Variants in ASPH observed in about 807,000 individuals in gnomAD.
ASPH encodes the protein aspartyl/asparaginyl beta-hydroxylase.
Under a neutral mutation model 118.4 loss-of-function variants are expected in ASPH, and 100 were observed. That is an observed-to-expected ratio of 0.84 (90% CI 0.72 to 1.00). ASPH has a LOEUF of 1.00. Ranked by LOEUF, ASPH falls within the 50% of genes least tolerant of loss-of-function variation. ASPH has a pLI of 0.00. For missense variants in ASPH, 920 were observed against 919.5 expected, an observed-to-expected ratio of 1.00 and a Z score of -0.01; for synonymous variants, 315 against 325.6, an observed-to-expected ratio of 0.97 and a Z score of 0.35.
intron 2 of ASPH, 43 bp from the exon 3 acceptor site, chr8:61,681,079 A>T: frequency 6.8e-7 from 1 of 1,475,728 alleles, no homozygotes. Context: ...TAAAAAAGAA[A>T]AGAAATTTAA....
intron 3 of ASPH, among the ~76,000 whole-genome samples, chr8:61,654,061 T>C (rs1005505501): frequency 6.6e-6 from 1 of 152,202 alleles, no homozygotes; most frequent in Non-Finnish European, 1.5e-5. Context: ...GTTATTCAGG[T>C]ACACTCGATG....
intron 21 of ASPH, among the ~76,000 whole-genome samples, chr8:61,530,768 T>C (rs13260663): frequency 0.016 from 2,409 of 152,292 alleles, 82 homozygotes; most frequent in African/African-American, 0.054. Context: ...AGAATTGCAG[T>C]CTCTTCTCCA....
Position 61,562,781 on chromosome 8 carries a change from A to G in ASPH, c.1400T>C (p.Ile467Thr). The G allele has an allele frequency of 1.9e-6, 3 of 1,611,852 alleles. No homozygotes were observed. Among genetic ancestry groups the G allele is most frequent in the Non-Finnish European group, 2.5e-6 (3 of 1,179,198 alleles). ...KNDLGVGYLL[I>T]GDNDNAKKVY... The stretch of plus-strand genomic sequence containing the variant: ...TTTCTTTGCATTGTCATTATCTCCT[A>G]TCAAGAGGTATCCCACGCCAAGGTC... Residue 467 changes from isoleucine (I) to threonine (T), a missense_variant, in exon 18 of 25, where the codon ATA becomes ACA. Coordinates refer to ENST00000379454, the MANE Select transcript of ASPH (RefSeq NM_004318.4).
chr8:61,670,145 T>C (rs1821676006), intron 3 of ASPH, among the ~76,000 whole-genome samples: 1 of 151,604 alleles, frequency 6.6e-6, no homozygotes, highest in Non-Finnish European at 1.5e-5. Flanking sequence ...TGAAGAAAAG[T>C]ATATAGACAT....
intron 16 of ASPH, among the ~76,000 whole-genome samples, chr8:61,574,856 A>AAAG (rs1445219922): frequency 1.3e-3 from 196 of 152,258 alleles, no homozygotes; most frequent in African/African-American, 4.6e-3. Flanking sequence ...ACAAACAAAC[A>AAAG]AATAAACAAA....
intron 14 of ASPH, among the ~76,000 whole-genome samples, chr8:61,597,246 G>T (rs1842754866): frequency 6.6e-6 from 1 of 151,460 alleles, no homozygotes; most frequent in East Asian, 1.9e-4. Context: ...GTCAGGCATG[G>T]TGGCTCATGT....
rs148087784 is a variant in ASPH, at chr8:61,700,097, T to C, written c.103+14172A>G. ...CTCCCAAGAGCAAGGGGGGATGAAG[T>C]ATTCTGCCAGGAGTGGAGGCCCAGG... On this transcript the variant is annotated intron_variant, in intron 1 of 24. Coordinates refer to ENST00000379454, the MANE Select transcript of ASPH (RefSeq NM_004318.4). Among the ~76,000 whole-genome samples, 24 of 152,266 alleles carry C rather than the reference T, an allele frequency of 1.6e-4. No homozygotes were observed. The East Asian group carries it at 4.6e-3, about 29-fold the overall frequency.
chr8:61,683,544 A>C (rs1829156704), intron 2 of ASPH: 1 of 152,568 alleles, frequency 6.6e-6, no homozygotes, highest in Admixed American at 6.5e-5. Flanking sequence ...CTATCTCAGC[A>C]CACCCATCCA....
chr8:61,598,416 T>C (rs138652622), intron 14 of ASPH, among the ~76,000 whole-genome samples: 74 of 152,126 alleles, frequency 4.9e-4, no homozygotes, highest in African/African-American at 1.8e-3. Flanking sequence ...ACAAAGAAGG[T>C]CATTATATAA....
chr8:61,548,255 C>T (rs1294671880), intron 20 of ASPH, 47 bp from the exon 21 acceptor site: 17 of 1,522,692 alleles, frequency 1.1e-5, no homozygotes, highest in Non-Finnish European at 1.8e-6. Context: ...TTCAACAGAG[C>T]ATTTTTATTA....
rs943407631 is a variant in ASPH, at chr8:61,703,974, T to C, written c.103+10295A>G. Among the ~76,000 whole-genome samples the C allele has an allele frequency of 7.9e-5, 12 of 151,816 alleles. No individual in the cohort carries two copies. In the South Asian group the frequency reaches 2.5e-3, roughly 32 times the overall value. ...ACTTTGGGAGGCCGAGGCGGGCGGA[T>C]CACGAGGTCAGGAGATCGAGACCAT... On this transcript the variant is annotated intron_variant, in intron 1 of 24. Coordinates refer to ENST00000379454, the MANE Select transcript of ASPH (RefSeq NM_004318.4).
chr8:61,578,919 G>A, intron 15 of ASPH: 1 of 1,611,804 alleles, frequency 6.2e-7, no homozygotes. Flanking sequence ...GGAGATCCGG[G>A]AGCTGCAGTC....
At chr8:61,563,193 G>A (rs1053594161) in intron 17 of ASPH, among the ~76,000 whole-genome samples, 10 of 32,070 alleles carry the variant, frequency 3.1e-4, no homozygotes, top group Middle Eastern at 0.014. Flanking sequence ...ACAATTCCTC[G>A]TTAAAAAAAA....
chr8:61,682,590 A>G, intron 2 of ASPH: 1 of 1,092,738 alleles, frequency 9.2e-7, no homozygotes. Context: ...ACTGTAAGTC[A>G]GTCAAAGCAT....
intron 18 of ASPH, among the ~76,000 whole-genome samples, chr8:61,559,773 A>G (rs892726803): frequency 2.0e-5 from 3 of 152,228 alleles, no homozygotes; most frequent in Non-Finnish European, 2.9e-5. Context: ...ATACATGTAC[A>G]CATAACATAT....
Position 61,651,303 on chromosome 8 carries a change from T to C in ASPH, c.416-179A>G, listed in dbSNP as rs16927692. ...TCTGTGTTGGCAAACATGGTAGATA[T>C]GTAAAATTTGTTTTATTCTGTCAAC... On this transcript the variant is annotated intron_variant, in intron 4 of 24. Transcript: ENST00000379454. 7.4e-3 allele frequency: 3,368 copies of C among 455,382 alleles called. 115 individuals are homozygous for C. In the East Asian group the frequency reaches 0.085, roughly 11 times the overall value. The allele number at this position is 455,382 out of a possible 1,614,324, so 28.2% of individuals were successfully genotyped here.
chr8:61,502,366 A>C lies in ASPH; in HGVS notation c.*993T>G, dbSNP rs1410746896. ...CAGAATTGTAGCAGAAATCATCTCC[A>C]AGACTGAAGAGCTGGCTTCCTGACA... is the stretch of plus-strand genomic sequence containing the variant. On this transcript the variant is annotated 3_prime_UTR_variant, in exon 25 of 25. Coordinates refer to ENST00000379454, the MANE Select transcript of ASPH (RefSeq NM_004318.4). 2 of 152,196 alleles carry C rather than the reference A, an allele frequency of 1.3e-5. No individual in the cohort carries two copies. The highest frequency in any genetic ancestry group is 2.9e-5 in the Non-Finnish European group (2 of 68,036). 9.4% of individuals were successfully genotyped at this position (152,196 alleles called of 1,614,324 possible).
intron 1 of ASPH, among the ~76,000 whole-genome samples, chr8:61,702,318 T>C (rs1020308446): frequency 1.4e-5 from 2 of 142,242 alleles, no homozygotes; most frequent in Non-Finnish European, 3.0e-5. Context: ...AGAGTCTCGC[T>C]CTGTCGCCCA....
chr8:61,644,740 A>C (rs1411030333), intron 6 of ASPH, 108 bp from the exon 7 acceptor site: 4 of 820,672 alleles, frequency 4.9e-6, no homozygotes, highest in East Asian at 3.4e-5. Context: ...TATTTAAAAA[A>C]TTAAAAAATG....
Sources: allele counts gnomAD v4.1 joint callset (sites outside exome capture counted in the v4.1 genomes callset), GRCh38; gene constraint gnomAD v4.1.1; transcripts MANE v1.5; gene names NCBI Gene and HGNC (gene_info 2026-07-23, HGNC 2026-07-21).